Variants in MYO5A observed in about 807,000 individuals in gnomAD.
MYO5A encodes unconventional myosin-Va.
In MYO5A, 98 loss-of-function variants were observed where a neutral mutation model predicts 249.7. The ratio of observed to expected loss-of-function variants is 0.39; its 90% CI spans 0.33 to 0.46. MYO5A has a LOEUF of 0.46. MYO5A is among the 20% of genes least tolerant of loss of function. The probability of loss-of-function intolerance (pLI) is 0.98; values close to 1 mark genes in which losing one functional copy is unlikely to be tolerated. For synonymous variants in MYO5A, 778 were observed against 810.6 expected, an observed-to-expected ratio of 0.96 and a Z score of 0.68; for missense variants, 1,696 against 2,308.8, an observed-to-expected ratio of 0.73 and a Z score of 5.44.
intron 2 of MYO5A, among the ~76,000 whole-genome samples, chr15:52,429,399 C>T (rs769904623): frequency 2.0e-5 from 3 of 151,558 alleles, no homozygotes; most frequent in Admixed American, 6.6e-5. Flanking sequence ...ATTAAAAATA[C>T]AAAAATTGGC....
At chr15:52,446,155 C>T (rs2075885668) in intron 1 of MYO5A, among the ~76,000 whole-genome samples, 1 of 152,210 alleles carries the variant, frequency 6.6e-6, no homozygotes, top group Non-Finnish European at 1.5e-5. Flanking sequence ...GCAGCCCCTC[C>T]CACCACAGGC....
intron 1 of MYO5A, among the ~76,000 whole-genome samples, chr15:52,479,481 C>T (rs542097685): frequency 6.6e-6 from 1 of 151,878 alleles, no homozygotes; most frequent in South Asian, 2.1e-4. Flanking sequence ...TTTTAAAAAT[C>T]CATGTGTAAG....
At chr15:52,335,652 A>G (rs886233386) in intron 34 of MYO5A, among the ~76,000 whole-genome samples, 2 of 152,180 alleles carry the variant, frequency 1.3e-5, no homozygotes, top group Non-Finnish European at 2.9e-5. Context: ...TATATAAATA[A>G]TAACAACAAC....
intron 1 of MYO5A, among the ~76,000 whole-genome samples, chr15:52,475,554 T>C (rs1360188744): frequency 1.3e-5 from 2 of 152,250 alleles, no homozygotes; most frequent in Non-Finnish European, 2.9e-5. Context: ...TACACACTGC[T>C]TTGAATGTGT....
chr15:52,499,963 G>A (rs182434260), intron 1 of MYO5A, among the ~76,000 whole-genome samples: 100 of 152,246 alleles, frequency 6.6e-4, no homozygotes, highest in African/African-American at 2.3e-3. Flanking sequence ...CAGGGGGATC[G>A]CTTGGGTGAT....
At chr15:52,373,614 G>GC (rs1318356731) in intron 20 of MYO5A, among the ~76,000 whole-genome samples, 1 of 152,164 alleles carries the variant, frequency 6.6e-6, no homozygotes, top group Non-Finnish European at 1.5e-5. Flanking sequence ...ATGTGAGCAA[G>GC]CCTCTACGCT....
chr15:52,405,590 ATGGCTGCTGACTG>A (rs952882279), intron 8 of MYO5A, among the ~76,000 whole-genome samples, 197 bp from the exon 9 acceptor site: 1 of 152,236 alleles, frequency 6.6e-6, no homozygotes, highest in Non-Finnish European at 1.5e-5. Context: ...GATGGATAAC[ATGGCTGCTGACTG>A]TGGCTGATCT....
In MYO5A at chr15:52,416,268, T is replaced by G. The variant is rs192445796; in HGVS notation, c.489A>C (p.Gly163=). ...DERNQSIIVS[G]ESGAGKTVSA... is the part of the protein sequence containing the mutation. ...AGACTGTTTTTCCTGCCCCAGACTC[T>G]CCACTTACGATGATGGACTGATTTC... Residue 163 remains glycine, a synonymous_variant, in exon 5 of 42, where the codon GGA becomes GGC. Coordinates refer to ENST00000399233, the MANE Select transcript of MYO5A (RefSeq NM_001382347.1). 242 of 1,614,068 alleles carry G rather than the reference T, an allele frequency of 1.5e-4. 2 individuals carry two copies. The highest frequency in any genetic ancestry group is 8.0e-4 in the Admixed American group (48 of 60,008).
intron 36 of MYO5A, among the ~76,000 whole-genome samples, chr15:52,324,655 A>G (rs1488797604): frequency 6.6e-6 from 1 of 152,186 alleles, no homozygotes; most frequent in African/African-American, 2.4e-5. Context: ...GTATGAGAAT[A>G]TCTGCCTTTG....
At chr15:52,479,828 C>A (rs1328263682) in intron 1 of MYO5A, among the ~76,000 whole-genome samples, 4 of 152,214 alleles carry the variant, frequency 2.6e-5, no homozygotes, top group Non-Finnish European at 4.4e-5. Context: ...GAAAGAGCCA[C>A]ACCTCTCTTA....
At chr15:52,437,719 C>A (rs376937744) in intron 1 of MYO5A, among the ~76,000 whole-genome samples, 4 of 151,840 alleles carry the variant, frequency 2.6e-5, no homozygotes, top group Non-Finnish European at 4.4e-5. Flanking sequence ...CATGACTGAC[C>A]AGTGCCTAAA....
intron 6 of MYO5A, among the ~76,000 whole-genome samples, chr15:52,409,236 C>T (rs144604475): frequency 5.3e-5 from 8 of 152,152 alleles, no homozygotes; most frequent in African/African-American, 1.4e-4. Flanking sequence ...TTCCCCCCTG[C>T]TTACTCACTT....
intron 1 of MYO5A, 138 bp from the exon 2 acceptor site, chr15:52,433,423 T>A (rs2141308118): frequency 2.0e-6 from 1 of 509,776 alleles, no homozygotes; most frequent in South Asian, 2.1e-5. Flanking sequence ...CTTTTTTTTT[T>A]TTTTTTTTTT....
At chr15:52,325,203 T>C (rs2038537231) in intron 36 of MYO5A, among the ~76,000 whole-genome samples, 1 of 152,164 alleles carries the variant, frequency 6.6e-6, no homozygotes, top group Admixed American at 6.5e-5. Flanking sequence ...AGAGTGTCAC[T>C]AAAGCACCAA....
intron 1 of MYO5A, among the ~76,000 whole-genome samples, chr15:52,447,858 T>A (rs2075925673): frequency 6.6e-6 from 1 of 152,182 alleles, no homozygotes; most frequent in Admixed American, 6.5e-5. Flanking sequence ...TGGAAGAAAT[T>A]TCTAAGCAGC....
Position 52,317,100 on chromosome 15 carries a change from T to C in MYO5A, c.5357A>G (p.Asp1786Gly). The part of the protein sequence containing the change: ...AQLLQVKKKT[D>G]DDAEAICSMC... ...AGAACAAATGGCTTCTGCATCATCA[T>C]CTGTTTTCTTTTTCACTTGCAAAAG... The change falls in exon 40 of 42, where the codon GAT (aspartate) becomes GGT (glycine). Residue 1786 changes from aspartate to glycine, a missense_variant. This residue lies in a region of MYO5A where 625 missense variants were observed against 908.1 expected (regional missense o/e 0.69). Coordinates refer to ENST00000399233, the MANE Select transcript of MYO5A (RefSeq NM_001382347.1). The C allele has an allele frequency of 6.2e-7, 1 of 1,614,196 alleles. No individual in the cohort carries two copies. The highest frequency in any genetic ancestry group is 8.5e-7 in the Non-Finnish European group (1 of 1,180,020).
At chr15:52,470,777 C>T (rs1347766024) in intron 1 of MYO5A, among the ~76,000 whole-genome samples, 2 of 152,284 alleles carry the variant, frequency 1.3e-5, no homozygotes, top group East Asian at 1.9e-4. Flanking sequence ...AATCCCAGCA[C>T]TTTGGGAGGC....
chr15:52,360,957 T>A lies in MYO5A; in HGVS notation c.3310-876A>T, dbSNP rs567706553. The stretch of plus-strand genomic sequence containing the variant: ...AGGCCTCTGAGAGCTTTCTCATCTG[T>A]CCAGTTTTCTTTGTACCTTTCCCCA... On this transcript the variant is annotated intron_variant, in intron 24 of 41. Coordinates refer to ENST00000399233, the MANE Select transcript of MYO5A (RefSeq NM_001382347.1). Among the ~76,000 whole-genome samples the A allele has an allele frequency of 1.6e-4, 24 of 152,280 alleles. No individual in the cohort carries two copies. The East Asian group carries it at 4.6e-3, about 29-fold the overall frequency.
chr15:52,395,252 G>A (rs1033515946), intron 11 of MYO5A, among the ~76,000 whole-genome samples: 22 of 151,934 alleles, frequency 1.4e-4, no homozygotes, highest in Non-Finnish European at 4.4e-5. Flanking sequence ...ACACAAACAA[G>A]GCTAAATTCA....
Sources: gnomAD v4.1 joint callset for allele counts (sites outside exome capture counted in the v4.1 genomes callset) on GRCh38, gnomAD v4.1.1 for gene constraint, gnomAD v4.1.1 regional missense constraint, MANE v1.5 for transcripts, NCBI Gene and HGNC (gene_info 2026-07-23, HGNC 2026-07-21) for gene names.